AGBL4: variants seen among roughly 807,000 people sequenced by gnomAD.
AGBL4 encodes cytosolic carboxypeptidase 6.
A neutral mutation model predicts 66.4 loss-of-function variants in AGBL4; 58 were observed. The ratio of observed to expected loss-of-function variants is 0.87; its 90% CI spans 0.71 to 1.09. The LOEUF (loss-of-function observed/expected upper bound fraction) is 1.09. Among genes scored for constraint, AGBL4 ranks in the 50% least tolerant of loss-of-function variants. The pLI, the probability that AGBL4 is intolerant of heterozygous loss-of-function variation, is 0.00. For missense variants in AGBL4, 579 were observed against 631.0 expected (o/e 0.92, Z 0.88); for synonymous variants, 234 against 222.9 (o/e 1.05, Z -0.44).
chr1:49,803,538 T>C (rs1009826920), intron 2 of AGBL4, among the ~76,000 whole-genome samples: 9 of 152,206 alleles, frequency 5.9e-5, no homozygotes, highest in African/African-American at 1.9e-4. Flanking sequence ...TAGAATTTTA[T>C]AAAGATTTGG....
intron 2 of AGBL4, among the ~76,000 whole-genome samples, chr1:49,714,593 T>TATATACACAC (rs1491300456): frequency 3.5e-5 from 4 of 113,984 alleles, no homozygotes; most frequent in African/African-American, 1.3e-4. Flanking sequence ...TATATATATA[T>TATATACACAC]ACACACACAC....
intron 3 of AGBL4, among the ~76,000 whole-genome samples, chr1:49,295,853 T>C (rs958783625): frequency 6.6e-6 from 1 of 152,140 alleles, no homozygotes; most frequent in African/African-American, 2.4e-5. Context: ...GCAAGACATC[T>C]ATAGTTTACT....
chr1:49,416,829 T>C (rs562149263), intron 3 of AGBL4, among the ~76,000 whole-genome samples: 2 of 152,198 alleles, frequency 1.3e-5, no homozygotes, highest in East Asian at 1.9e-4. Context: ...GTATTTATTA[T>C]ATGGGCATGT....
intron 11 of AGBL4, among the ~76,000 whole-genome samples, chr1:48,572,841 G>C (rs774587864): frequency 8.5e-5 from 13 of 152,184 alleles, no homozygotes; most frequent in Non-Finnish European, 1.3e-4. Flanking sequence ...GGCCAGGAGA[G>C]GGCACTTCAA....
At chr1:49,461,283 G>T (rs552602136) in intron 3 of AGBL4, among the ~76,000 whole-genome samples, 1 of 151,298 alleles carries the variant, frequency 6.6e-6, no homozygotes, top group Admixed American at 6.6e-5. Context: ...CTTCTTGCAG[G>T]CTTTGTTCAT....
chr1:49,537,667 G>A (rs184434125), intron 3 of AGBL4, among the ~76,000 whole-genome samples: 81 of 152,332 alleles, frequency 5.3e-4, no homozygotes, highest in African/African-American at 1.9e-3. Flanking sequence ...GCTCACGCCT[G>A]TAATCCCAGC....
At chr1:49,792,813 AT>A (rs1282297235) in intron 2 of AGBL4, among the ~76,000 whole-genome samples, 2 of 152,036 alleles carry the variant, frequency 1.3e-5, no homozygotes, top group African/African-American at 4.8e-5. Context: ...TATAGTAGAA[AT>A]TCAGTAGGTA....
At chr1:48,717,769 G>T (rs909725729) in intron 6 of AGBL4, among the ~76,000 whole-genome samples, 1 of 152,228 alleles carries the variant, frequency 6.6e-6, no homozygotes, top group African/African-American at 2.4e-5. Flanking sequence ...TTGATGAAAA[G>T]AACAGTGGAC....
chr1:49,194,269 C>T (rs1468637206), intron 4 of AGBL4, among the ~76,000 whole-genome samples: 1 of 49,752 alleles, frequency 2.0e-5, no homozygotes. Context: ...ATATACTGAC[C>T]TTTCTTGTCT....
intron 4 of AGBL4, among the ~76,000 whole-genome samples, chr1:49,128,362 C>T (rs1645809005): frequency 6.6e-6 from 1 of 151,948 alleles, no homozygotes; most frequent in South Asian, 2.1e-4. Flanking sequence ...TAAATTTACT[C>T]TGTAATTTAT....
chr1:48,587,571 T>C (rs1156847003), intron 10 of AGBL4, among the ~76,000 whole-genome samples: 1 of 152,002 alleles, frequency 6.6e-6, no homozygotes, highest in African/African-American at 2.4e-5. Flanking sequence ...GAGTTCAGCC[T>C]AGGCAACATA....
chr1:48,590,668 G>A (rs1016774560), intron 10 of AGBL4, among the ~76,000 whole-genome samples, 165 bp downstream of exon 10: 2 of 152,160 alleles, frequency 1.3e-5, no homozygotes, highest in Non-Finnish European at 1.5e-5. Context: ...AGCAGCTTGA[G>A]GACATGGGCA....
At chr1:48,752,676 T>TTC in intron 6 of AGBL4, among the ~76,000 whole-genome samples, 1 of 152,348 alleles carries the variant, frequency 6.6e-6, no homozygotes, top group East Asian at 1.9e-4. Context: ...CAAATGATTC[T>TTC]ATATCTTGAT....
At chr1:48,862,506 A>G (rs1464062035) in intron 6 of AGBL4, among the ~76,000 whole-genome samples, 1 of 152,108 alleles carries the variant, frequency 6.6e-6, no homozygotes, top group African/African-American at 2.4e-5. Context: ...TATTTTTAGT[A>G]GAGACAGGGC....
At chr1:49,932,574 G>A (rs557225395) in intron 1 of AGBL4, among the ~76,000 whole-genome samples, 22 of 152,008 alleles carry the variant, frequency 1.4e-4, no homozygotes, top group South Asian at 8.3e-4. Context: ...GACACTAACC[G>A]GATGAAAAGT....
intron 4 of AGBL4, among the ~76,000 whole-genome samples, chr1:49,055,657 G>T (rs1328299546): frequency 6.6e-6 from 1 of 151,962 alleles, no homozygotes; most frequent in Non-Finnish European, 1.5e-5. Flanking sequence ...TTAGATATAG[G>T]TGTAGCTAAG....
intron 6 of AGBL4, among the ~76,000 whole-genome samples, chr1:48,718,626 C>A (rs757890934): frequency 3.9e-5 from 6 of 152,022 alleles, no homozygotes; most frequent in Non-Finnish European, 5.9e-5. Flanking sequence ...GAGGTGGGGG[C>A]AGAGGAAGAA....
intron 4 of AGBL4, among the ~76,000 whole-genome samples, chr1:49,111,681 TAC>T (rs1447736383): frequency 6.6e-6 from 1 of 152,230 alleles, no homozygotes; most frequent in Non-Finnish European, 1.5e-5. Context: ...CTTACTTGTG[TAC>T]AGTCTCTCTT....
chr1:49,617,960 C>T (rs1469468907), intron 3 of AGBL4, among the ~76,000 whole-genome samples: 2 of 152,108 alleles, frequency 1.3e-5, no homozygotes, highest in East Asian at 1.9e-4. Context: ...ACCCATCAAC[C>T]CGTCTTCTAC....
Sources: allele counts gnomAD v4.1 joint callset (sites outside exome capture counted in the v4.1 genomes callset), GRCh38; gene constraint gnomAD v4.1.1; transcripts MANE v1.5; gene names NCBI Gene and HGNC (gene_info 2026-07-23, HGNC 2026-07-21).